MED27: variants seen among roughly 807,000 people sequenced by gnomAD.
MED27 encodes mediator complex subunit 27.
In MED27, 30 loss-of-function variants were observed where a neutral mutation model predicts 38.2. The ratio of observed to expected loss-of-function variants is 0.79; its 90% CI spans 0.59 to 1.07. The LOEUF (loss-of-function observed/expected upper bound fraction) is 1.07. Ranked by LOEUF, MED27 falls within the 50% of genes least tolerant of loss-of-function variation. MED27 has a pLI of 0.00. For missense variants in MED27, 289 were observed against 397.5 expected (o/e 0.73, Z 2.32); for synonymous variants, 122 against 153.5 (o/e 0.79, Z 1.52).
At chr9:132,031,946 A>T (rs1832973394) in intron 2 of MED27, 1 of 152,238 alleles carries the variant, frequency 6.6e-6, no homozygotes, top group Non-Finnish European at 1.5e-5. Context: ...AGGTTTTTAC[A>T]ATAGCAGATG....
intron 2 of MED27, among the ~76,000 whole-genome samples, chr9:132,059,045 C>A (rs529898444): frequency 7.2e-5 from 11 of 152,322 alleles, no homozygotes; most frequent in African/African-American, 2.4e-4. Context: ...CCCACTCGGG[C>A]CCCATTCTGA....
intron 3 of MED27, among the ~76,000 whole-genome samples, chr9:131,953,746 A>G (rs1291441951): frequency 6.6e-6 from 1 of 152,144 alleles, no homozygotes; most frequent in Admixed American, 6.5e-5. Context: ...CTTCGTTCCA[A>G]AAGGGTTTTG....
At chr9:131,892,807 T>G (rs1287130342) in intron 5 of MED27, among the ~76,000 whole-genome samples, 1 of 152,178 alleles carries the variant, frequency 6.6e-6, no homozygotes, top group African/African-American at 2.4e-5. Context: ...TCACTTTACA[T>G]GCATGCTCCA....
At chr9:131,894,081 C>A in intron 4 of MED27, 89 bp from the exon 5 acceptor site, 1 of 882,466 alleles carries the variant, frequency 1.1e-6, no homozygotes, top group Non-Finnish European at 1.9e-6. Context: ...CCTGGCCAAT[C>A]CAGTGAGACT....
At position 131,860,534 on chromosome 9, in the gene MED27, G is replaced by A; in HGVS notation, c.*4C>T. The A allele has an allele frequency of 6.6e-7, 1 of 1,520,200 alleles. No homozygotes were observed. Among genetic ancestry groups the A allele is most frequent in the Middle Eastern group, 2.3e-4 (1 of 4,328 alleles). The allele number at this position is 1,520,200 out of a possible 1,614,324, so 94.2% of individuals were successfully genotyped here. A position where few individuals can be genotyped will look rare whatever the true frequency, so the allele number is the denominator to read the frequency against. On this transcript the variant is annotated 3_prime_UTR_variant, in exon 8 of 8. Coordinates refer to ENST00000292035, the MANE Select transcript of MED27 (RefSeq NM_004269.4). The surrounding 1 kb of genome is among the most constrained non-coding windows in gnomAD (Gnocchi z 5.8). ...GGGGTCTGAGGCTGGGGCCAGCGTG[G>A]GGGCTACTGCCGGCAGGTGTCATGG... is the stretch of plus-strand genomic sequence containing the variant.
intron 3 of MED27, among the ~76,000 whole-genome samples, chr9:131,968,338 G>T (rs924958987): frequency 2.0e-5 from 3 of 151,916 alleles, no homozygotes; most frequent in African/African-American, 7.3e-5. Flanking sequence ...GCTGGGCATG[G>T]TTTTGCATGC....
chr9:131,922,060 A>G (rs1055494965), intron 4 of MED27, among the ~76,000 whole-genome samples: 3 of 151,618 alleles, frequency 2.0e-5, no homozygotes, highest in African/African-American at 7.3e-5. Flanking sequence ...ATTAGGAGAA[A>G]TACCTAATGT....
intron 2 of MED27, among the ~76,000 whole-genome samples, chr9:132,040,328 T>G (rs1444316311): frequency 6.6e-6 from 1 of 152,212 alleles, no homozygotes; most frequent in Non-Finnish European, 1.5e-5. Context: ...GAGAATACTT[T>G]AAACCAAACT....
intron 1 of MED27, among the ~76,000 whole-genome samples, chr9:132,079,328 G>C (rs1035952032): frequency 6.6e-6 from 1 of 152,184 alleles, no homozygotes; most frequent in Non-Finnish European, 1.5e-5. Flanking sequence ...CTACAGGTGA[G>C]AAACCTGCCA....
At chr9:132,053,259 A>T (rs1194628932) in intron 2 of MED27, among the ~76,000 whole-genome samples, 3 of 151,774 alleles carry the variant, frequency 2.0e-5, no homozygotes, top group Admixed American at 2.0e-4. Flanking sequence ...GTCTCAAAAA[A>T]AAAAAAAAAA....
chr9:132,001,891 T>C (rs4246173), intron 3 of MED27, among the ~76,000 whole-genome samples: 90,741 of 152,094 alleles, frequency 0.6, 28,183 homozygotes, highest in Non-Finnish European at 0.68. Flanking sequence ...GGAATCATCC[T>C]GGGAGCTGCT....
At chr9:131,964,712 G>C (rs1831303783) in intron 3 of MED27, among the ~76,000 whole-genome samples, 1 of 152,202 alleles carries the variant, frequency 6.6e-6, no homozygotes, top group African/African-American at 2.4e-5. Flanking sequence ...TTATAAGACA[G>C]CGGTCTGTTT....
At chr9:132,021,415 T>C (rs1200390679) in intron 2 of MED27, among the ~76,000 whole-genome samples, 7 of 41,890 alleles carry the variant, frequency 1.7e-4, no homozygotes, top group Non-Finnish European at 3.4e-4. Context: ...ACAACCATCA[T>C]AGGGATTATT....
At chr9:131,941,291 T>C (rs1830781155) in intron 3 of MED27, among the ~76,000 whole-genome samples, 1 of 152,228 alleles carries the variant, frequency 6.6e-6, no homozygotes. Context: ...ATAAAAGGTA[T>C]ATTCTCTTGG....
At position 131,872,474 on chromosome 9, in the gene MED27, T is replaced by C. The variant is rs1163383862; in HGVS notation, c.724-9334A>G. ...AGAAGCCTGGTAGGGACCCAGACTG[T>C]GGCTTCCCTCCAGCCAATATCGGCT... is the stretch of plus-strand genomic sequence containing the variant. On this transcript the variant is annotated intron_variant, in intron 6 of 7. Coordinates refer to ENST00000292035, the MANE Select transcript of MED27 (RefSeq NM_004269.4). This position sits in a 1 kb window ranked among gnomAD's most constrained non-coding sequence, Gnocchi z 5.6. Among the ~76,000 whole-genome samples the C allele has an allele frequency of 2.0e-5, 3 of 152,242 alleles. No individual in the cohort carries two copies. The highest frequency in any genetic ancestry group is 4.8e-5 in the African/African-American group (2 of 41,462).
At chr9:131,935,888 A>G (rs1830673767) in intron 4 of MED27, among the ~76,000 whole-genome samples, 1 of 152,068 alleles carries the variant, frequency 6.6e-6, no homozygotes, top group Non-Finnish European at 1.5e-5. Context: ...AGTGGCTCAT[A>G]TCTGTAATCC....
chr9:131,953,911 G>A (rs1413507879), intron 3 of MED27, among the ~76,000 whole-genome samples: 1 of 150,848 alleles, frequency 6.6e-6, no homozygotes, highest in Non-Finnish European at 1.5e-5. Context: ...TCTGCCTCCC[G>A]GGTTCAAGTG....
At chr9:132,038,659 GCTTA>G (rs1339935752) in intron 2 of MED27, among the ~76,000 whole-genome samples, 1 of 152,224 alleles carries the variant, frequency 6.6e-6, no homozygotes, top group Non-Finnish European at 1.5e-5. Context: ...TAAATGTGGT[GCTTA>G]CTGAGAAGAT....
intron 4 of MED27, among the ~76,000 whole-genome samples, chr9:131,898,821 A>G (rs1271793060): frequency 2.0e-5 from 3 of 151,426 alleles, no homozygotes; most frequent in Non-Finnish European, 4.4e-5. Flanking sequence ...CTGACCTCAT[A>G]TGATCCTCCC....
Sources: allele counts gnomAD v4.1 joint callset (sites outside exome capture counted in the v4.1 genomes callset), GRCh38; gene constraint gnomAD v4.1.1; non-coding constraint Gnocchi (gnomAD v3.1); transcripts MANE v1.5; gene names NCBI Gene and HGNC (gene_info 2026-07-23, HGNC 2026-07-21).